Variants in ADGRB3 observed in about 807,000 individuals in gnomAD.
ADGRB3 encodes the protein adhesion G protein-coupled receptor B3.
ADGRB3 carries 37 observed loss-of-function variants against 193.4 expected under a neutral mutation model. The observed-to-expected ratio is 0.19, with a 90% CI of 0.15 to 0.25. ADGRB3 has a LOEUF of 0.25. Among genes scored for constraint, ADGRB3 ranks in the 10% least tolerant of loss-of-function variants. ADGRB3 has a pLI of 1.00. For missense variants in ADGRB3, 1,637 were observed against 1,852.9 expected, an observed-to-expected ratio of 0.88 and a Z score of 2.14; for synonymous variants, 690 against 644.2, an observed-to-expected ratio of 1.07 and a Z score of -1.08.
intron 17 of ADGRB3, among the ~76,000 whole-genome samples, chr6:69,219,368 G>C (rs1765839771): frequency 6.7e-6 from 1 of 149,176 alleles, no homozygotes; most frequent in Non-Finnish European, 1.5e-5. Context: ...CTTTATATCA[G>C]TAACAGTCAC....
At chr6:69,190,632 G>A (rs574637244) in intron 17 of ADGRB3, among the ~76,000 whole-genome samples, 1 of 152,150 alleles carries the variant, frequency 6.6e-6, no homozygotes, top group Non-Finnish European at 1.5e-5. Context: ...TAACTTAAGT[G>A]TACAGTGTTT....
intron 3 of ADGRB3, among the ~76,000 whole-genome samples, chr6:68,686,574 C>A (rs569892242): frequency 6.6e-6 from 1 of 152,250 alleles, no homozygotes; most frequent in East Asian, 1.9e-4. Flanking sequence ...GCTGATCTGG[C>A]CACAGTGGTT....
chr6:69,046,629 G>A (rs1771245496), intron 13 of ADGRB3, among the ~76,000 whole-genome samples: 1 of 151,926 alleles, frequency 6.6e-6, no homozygotes, highest in Non-Finnish European at 1.5e-5. Context: ...TCATATTAGA[G>A]GATAAATGAA....
At chr6:68,759,983 C>A (rs1766367214) in intron 3 of ADGRB3, among the ~76,000 whole-genome samples, 1 of 152,090 alleles carries the variant, frequency 6.6e-6, no homozygotes, top group East Asian at 1.9e-4. Flanking sequence ...GGGTATGATA[C>A]TATATTTTTG....
chr6:69,284,500 T>C (rs1172472605), intron 20 of ADGRB3, among the ~76,000 whole-genome samples: 1 of 152,112 alleles, frequency 6.6e-6, no homozygotes, highest in Non-Finnish European at 1.5e-5. Flanking sequence ...ACTGTAAGCT[T>C]GGCCAAGCAC....
intron 3 of ADGRB3, among the ~76,000 whole-genome samples, chr6:68,863,009 A>G (rs1765199711): frequency 6.6e-6 from 1 of 152,142 alleles, no homozygotes; most frequent in African/African-American, 2.4e-5. Flanking sequence ...CACAGCTATG[A>G]TTATTTTTCC....
intron 26 of ADGRB3, among the ~76,000 whole-genome samples, chr6:69,352,706 A>G (rs184887756): frequency 1.6e-4 from 25 of 152,352 alleles, no homozygotes; most frequent in Admixed American, 1.5e-3. Context: ...GAGAGAGGCT[A>G]CTAATGACTA....
chr6:68,750,572 A>G (rs1385412889), intron 3 of ADGRB3, among the ~76,000 whole-genome samples: 1 of 152,216 alleles, frequency 6.6e-6, no homozygotes, highest in African/African-American at 2.4e-5. Context: ...TTTTGCCTAC[A>G]ACTTTGTTAG....
At chr6:68,676,424 G>A (rs1247581138) in intron 3 of ADGRB3, among the ~76,000 whole-genome samples, 1 of 150,508 alleles carries the variant, frequency 6.6e-6, no homozygotes, top group East Asian at 1.9e-4. Flanking sequence ...AAAGGAGAGA[G>A]AGAGAATGAA....
At chr6:69,315,183 G>C (rs935046301) in intron 20 of ADGRB3, among the ~76,000 whole-genome samples, 1 of 151,474 alleles carries the variant, frequency 6.6e-6, no homozygotes, top group Admixed American at 6.6e-5. Context: ...TAGAAAATGA[G>C]AACCCTTTAA....
At chr6:68,885,245 A>G (rs1392276415) in intron 3 of ADGRB3, among the ~76,000 whole-genome samples, 1 of 152,160 alleles carries the variant, frequency 6.6e-6, no homozygotes, top group Non-Finnish European at 1.5e-5. Flanking sequence ...AGAAAATTGA[A>G]AGATGTTTTT....
At chr6:69,373,351 A>G (rs776531855) in intron 30 of ADGRB3, among the ~76,000 whole-genome samples, 6 of 152,024 alleles carry the variant, frequency 3.9e-5, no homozygotes, top group African/African-American at 1.2e-4. Flanking sequence ...CTAGCTCTAC[A>G]ATGTACATCA....
In ADGRB3 at chr6:69,254,697, CT is replaced by C. The variant is rs965552765; in HGVS notation, c.2814+15481del. On this transcript the variant is annotated intron_variant, in intron 20 of 31. Transcript: ENST00000370598. ...ATTTTTAAAAAATGCCTTTGTATTTCTTTTTTTTTTCTTTTTTTTATTATTA... is the reference window on the plus strand; with the variant it reads ...ATTTTTAAAAAATGCCTTTGTATTTCTTTTTTTTTCTTTTTTTTATTATTA... 5.1e-3 allele frequency among the ~76,000 whole-genome samples: 748 copies of C among 146,628 alleles called. 1 individual carries two copies. The highest frequency in any genetic ancestry group is 6.2e-3 in the Non-Finnish European group (409 of 66,154).
At chr6:68,895,683 G>A (rs770852787) in intron 3 of ADGRB3, among the ~76,000 whole-genome samples, 1 of 151,892 alleles carries the variant, frequency 6.6e-6, no homozygotes, top group Non-Finnish European at 1.5e-5. Context: ...GTTTCCTGAT[G>A]AGCAAAATCA....
intron 3 of ADGRB3, among the ~76,000 whole-genome samples, chr6:68,774,961 A>G (rs73745861): frequency 0.026 from 4,013 of 152,126 alleles, 82 homozygotes; most frequent in African/African-American, 0.051. Flanking sequence ...GGAGTTCTGG[A>G]AGACAACATT....
chr6:69,049,875 T>G (rs1298630338), intron 15 of ADGRB3, among the ~76,000 whole-genome samples: 1 of 152,204 alleles, frequency 6.6e-6, no homozygotes, highest in African/African-American at 2.4e-5. Context: ...ATCTATTAAT[T>G]TCTTTCCTCC....
chr6:68,761,047 G>T (rs1260216207), intron 3 of ADGRB3, among the ~76,000 whole-genome samples: 1 of 152,120 alleles, frequency 6.6e-6, no homozygotes, highest in Non-Finnish European at 1.5e-5. Flanking sequence ...AGTTGATTCT[G>T]TTGATATCCT....
intron 11 of ADGRB3, among the ~76,000 whole-genome samples, chr6:68,999,266 C>CTTT (rs35115621): frequency 1.2e-4 from 16 of 133,116 alleles, no homozygotes; most frequent in African/African-American, 3.3e-4. Flanking sequence ...TTTCCCTTTT[C>CTTT]TTTTTTTTTT....
intron 17 of ADGRB3, among the ~76,000 whole-genome samples, chr6:69,108,716 G>A (rs1582466914): frequency 6.6e-6 from 1 of 152,100 alleles, no homozygotes; most frequent in Non-Finnish European, 1.5e-5. Context: ...TTGGATGACA[G>A]GCAAGAGTCA....
Sources: gnomAD v4.1 joint callset for allele counts (sites outside exome capture counted in the v4.1 genomes callset) on GRCh38, gnomAD v4.1.1 for gene constraint, MANE v1.5 for transcripts, NCBI Gene and HGNC (gene_info 2026-07-23, HGNC 2026-07-21) for gene names.